Variants in LPP observed in about 807,000 individuals in gnomAD.
LPP encodes lipoma-preferred partner.
Under a neutral mutation model 60.4 loss-of-function variants are expected in LPP, and 38 were observed. The ratio of observed to expected loss-of-function variants is 0.63; its 90% CI spans 0.49 to 0.83. The LOEUF (loss-of-function observed/expected upper bound fraction) is 0.83, where lower values mean the gene tolerates loss of function less well. Among genes scored for constraint, LPP ranks in the 40% least tolerant of loss-of-function variants. The pLI is 0.00. For missense variants in LPP, 902 were observed against 783.6 expected, an observed-to-expected ratio of 1.15 and a Z score of -1.80; for synonymous variants, 328 against 290.8, an observed-to-expected ratio of 1.13 and a Z score of -1.30.
chr3:188,867,469 A>G (rs952374628), intron 10 of LPP, among the ~76,000 whole-genome samples: 2 of 151,908 alleles, frequency 1.3e-5, no homozygotes, highest in Non-Finnish European at 2.9e-5. Context: ...TCAGCCTCCC[A>G]AGGAGCTGAG....
chr3:188,670,463 GT>G (rs1226973226), intron 7 of LPP, among the ~76,000 whole-genome samples: 1 of 139,016 alleles, frequency 7.2e-6, no homozygotes, highest in Non-Finnish European at 1.6e-5. Flanking sequence ...TTTTTTTTTT[GT>G]TTTTTTATCA....
At chr3:188,402,875 G>A (rs1470467556) in intron 3 of LPP, among the ~76,000 whole-genome samples, 1 of 152,214 alleles carries the variant, frequency 6.6e-6, no homozygotes, top group Non-Finnish European at 1.5e-5. Flanking sequence ...TTAGGGAAAT[G>A]TTCACAGAGT....
At chr3:188,196,740 A>G (rs1051093389) in intron 1 of LPP, among the ~76,000 whole-genome samples, 1 of 152,202 alleles carries the variant, frequency 6.6e-6, no homozygotes, top group Non-Finnish European at 1.5e-5. Context: ...GAATGGAAAG[A>G]GGCAGGAAGT....
At chr3:188,419,051 A>G (rs924445526) in intron 4 of LPP, among the ~76,000 whole-genome samples, 4 of 152,316 alleles carry the variant, frequency 2.6e-5, no homozygotes, top group Admixed American at 6.5e-5. Context: ...CTCCTGGGAA[A>G]GAAATCTCCA....
chr3:188,392,555 A>G (rs1578561312), intron 3 of LPP, among the ~76,000 whole-genome samples: 2 of 152,354 alleles, frequency 1.3e-5, no homozygotes, highest in South Asian at 2.1e-4. Context: ...AAAAGGAAAC[A>G]TAGAGGTTGT....
At chr3:188,215,615 T>A (rs1285365225) in intron 1 of LPP, among the ~76,000 whole-genome samples, 3 of 152,208 alleles carry the variant, frequency 2.0e-5, no homozygotes, top group Non-Finnish European at 2.9e-5. Flanking sequence ...GAATTTCTCC[T>A]TTTTAAGGGT....
At chr3:188,305,358 T>C (rs1374228111) in intron 2 of LPP, among the ~76,000 whole-genome samples, 2 of 152,152 alleles carry the variant, frequency 1.3e-5, no homozygotes, top group African/African-American at 2.4e-5. Flanking sequence ...CAGGTGTGGA[T>C]TGGGACATAA....
chr3:188,633,172 T>C (rs1260463256), intron 7 of LPP, among the ~76,000 whole-genome samples: 2 of 152,192 alleles, frequency 1.3e-5, no homozygotes, highest in African/African-American at 4.8e-5. Flanking sequence ...TACTGGGCTA[T>C]GAGTACTTGA....
chr3:188,811,523 T>C (rs1750985612), intron 9 of LPP, among the ~76,000 whole-genome samples: 2 of 152,076 alleles, frequency 1.3e-5, no homozygotes, highest in South Asian at 2.1e-4. Context: ...TTATAGAACT[T>C]AGTCATTATG....
intron 5 of LPP, among the ~76,000 whole-genome samples, chr3:188,520,093 G>A (rs6806402): frequency 0.65 from 98,567 of 151,906 alleles, 35,412 homozygotes; most frequent in Middle Eastern, 0.82. Flanking sequence ...AATTCTGCTG[G>A]CAGCACTTAT....
At chr3:188,741,697 A>G (rs1026699238) in intron 8 of LPP, among the ~76,000 whole-genome samples, 2 of 151,992 alleles carry the variant, frequency 1.3e-5, no homozygotes, top group African/African-American at 4.8e-5. Flanking sequence ...AACTTTTCCA[A>G]GAAAAGAAAA....
Position 188,167,549 on chromosome 3 carries a change from C to T in LPP, c.-190+13297C>T, listed in dbSNP as rs114850972. On this transcript the variant is annotated intron_variant, in intron 1 of 11. Coordinates refer to ENST00000617246, the MANE Select transcript of LPP (RefSeq NM_001375462.1). The stretch of plus-strand genomic sequence containing the variant: ...AAAACAAAACAAAACAAAGGCCTGC[C>T]ATGCAGTGCCACTGAAAAATGTTAT... Among the ~76,000 whole-genome samples the T allele has an allele frequency of 6.5e-3, 671 of 103,182 alleles. 8 individuals are homozygous for T. The highest frequency in any genetic ancestry group is 0.031 in the African/African-American group (657 of 20,908). The allele number at this position is 103,182 out of a possible 152,430, so 67.7% of individuals were successfully genotyped here.
chr3:188,406,021 T>G, intron 3 of LPP, 91 bp from the exon 4 acceptor site: 1 of 1,118,734 alleles, frequency 8.9e-7, no homozygotes, highest in Non-Finnish European at 1.3e-6. Context: ...AGGATGCATT[T>G]AGTATGGATT....
rs369885709 is a variant in LPP at position 188,609,643 on chromosome 3, G to A, written c.912G>A (p.Gly304=). 17 of 1,614,118 alleles carry A rather than the reference G, an allele frequency of 1.1e-5. No homozygotes were observed. The highest frequency in any genetic ancestry group is 1.4e-5 in the Non-Finnish European group (17 of 1,180,012). The change falls in exon 7 of 12, where the codon GGG becomes GGA. Residue 304 remains glycine, a synonymous_variant. Transcript: ENST00000617246. The surrounding 1 kb of genome is among the most constrained non-coding windows in gnomAD (Gnocchi z 6.9). ...ATTATGAAGGCTACTATGCAGCAGG[G>A]CCAGGCTATGGGGGCAGAAATGACT... The part of the protein sequence containing the change: ...GRYYEGYYAA[G]PGYGGRNDSD...
chr3:188,191,526 G>A (rs868381918), intron 1 of LPP, among the ~76,000 whole-genome samples: 29 of 152,306 alleles, frequency 1.9e-4, no homozygotes, highest in Middle Eastern at 6.8e-3. Flanking sequence ...ATGGAATGGA[G>A]GGGCAGCAGC....
At chr3:188,823,758 G>T (rs938838780) in intron 9 of LPP, among the ~76,000 whole-genome samples, 1 of 151,996 alleles carries the variant, frequency 6.6e-6, no homozygotes, top group Non-Finnish European at 1.5e-5. Context: ...TGCATAATTT[G>T]TATTAGTCCA....
intron 3 of LPP, 145 bp from the exon 4 acceptor site, chr3:188,405,967 C>T: frequency 1.6e-6 from 1 of 628,196 alleles, no homozygotes; most frequent in African/African-American, 1.9e-5. Context: ...CTTCATTTTT[C>T]TTTCTTCCAT....
chr3:188,180,296 CCT>C (rs1724558789), intron 1 of LPP: 1 of 154,932 alleles, frequency 6.5e-6, no homozygotes, highest in Non-Finnish European at 1.5e-5. Flanking sequence ...TCTGACCTCA[CCT>C]CTGTTTCCAG....
At chr3:188,578,752 C>A (rs1835364559) in intron 6 of LPP, among the ~76,000 whole-genome samples, 1 of 152,138 alleles carries the variant, frequency 6.6e-6, no homozygotes, top group Non-Finnish European at 1.5e-5. Flanking sequence ...CCCCGTGGTG[C>A]ACTGAGTCAC....
Sources: gnomAD v4.1 joint callset for allele counts (sites outside exome capture counted in the v4.1 genomes callset) on GRCh38, gnomAD v4.1.1 for gene constraint, Gnocchi (gnomAD v3.1) non-coding constraint, MANE v1.5 for transcripts, NCBI Gene and HGNC (gene_info 2026-07-23, HGNC 2026-07-21) for gene names.